The following PLCG2 variants were observed in gnomAD, a reference collection of about 807,000 sequenced individuals.
PLCG2 encodes the protein 1-phosphatidylinositol 4,5-bisphosphate phosphodiesterase gamma-2.
Under a neutral mutation model 175.6 loss-of-function variants are expected in PLCG2, and 69 were observed. The observed-to-expected ratio is 0.39, with a 90% CI of 0.32 to 0.48. The LOEUF (loss-of-function observed/expected upper bound fraction) is 0.48. Ranked by LOEUF, PLCG2 falls within the 20% of genes least tolerant of loss-of-function variation. The probability of loss-of-function intolerance (pLI) is 0.91; values close to 1 mark genes in which losing one functional copy is unlikely to be tolerated. For synonymous variants in PLCG2, 827 were observed against 624.0 expected, an observed-to-expected ratio of 1.33 and a Z score of -4.85; for missense variants, 1,798 against 1,650.9, an observed-to-expected ratio of 1.09 and a Z score of -1.54.
At chr16:81,753,300 G>T (rs1282509851) in intron 1 of PLCG2, among the ~76,000 whole-genome samples, 1 of 149,596 alleles carries the variant, frequency 6.7e-6, no homozygotes, top group Non-Finnish European at 1.5e-5. Flanking sequence ...TTGGTCATTG[G>T]TGGGTTATGC....
At chr16:81,825,897 G>A (rs1461195421) in intron 2 of PLCG2, among the ~76,000 whole-genome samples, 1 of 152,192 alleles carries the variant, frequency 6.6e-6, no homozygotes, top group African/African-American at 2.4e-5. Context: ...GTCACATAGG[G>A]TGTTAGGTGG....
chr16:81,759,412 CTTATG>C (rs910392732), intron 2 of PLCG2, among the ~76,000 whole-genome samples: 1 of 152,130 alleles, frequency 6.6e-6, no homozygotes, highest in African/African-American at 2.4e-5. Context: ...AATATATTTA[CTTATG>C]TTATTTATTC....
intron 2 of PLCG2, among the ~76,000 whole-genome samples, chr16:81,823,034 GCTTTAAGCCA>G (rs1430415325): frequency 6.6e-6 from 1 of 152,248 alleles, no homozygotes; most frequent in Non-Finnish European, 1.5e-5. Flanking sequence ...AATGTGTGTT[GCTTTAAGCCA>G]CTGAGTTTGC....
At chr16:81,742,207 G>C (rs1289166561) in intron 1 of PLCG2, among the ~76,000 whole-genome samples, 1 of 151,630 alleles carries the variant, frequency 6.6e-6, no homozygotes, top group Non-Finnish European at 1.5e-5. Context: ...GTACCTCTCA[G>C]TCAAAAGATG....
intron 13 of PLCG2, among the ~76,000 whole-genome samples, chr16:81,899,865 C>A (rs558840159): frequency 1.3e-5 from 2 of 152,210 alleles, no homozygotes; most frequent in African/African-American, 4.8e-5. Context: ...CATAAAACAA[C>A]GTCAGATATT....
intron 2 of PLCG2, among the ~76,000 whole-genome samples, chr16:81,832,337 A>G (rs1401475717): frequency 6.6e-6 from 1 of 152,254 alleles, no homozygotes; most frequent in Admixed American, 6.5e-5. Flanking sequence ...AAAGAGGTTA[A>G]GTGAATATTC....
intron 30 of PLCG2, among the ~76,000 whole-genome samples, chr16:81,945,609 C>G (rs528188044): frequency 7.2e-5 from 11 of 152,330 alleles, no homozygotes; most frequent in Admixed American, 3.9e-4. Context: ...AACTTGCCCC[C>G]CTCAGCCCCA....
chr16:81,953,123 G>T (rs138285572), intron 31 of PLCG2, among the ~76,000 whole-genome samples: 31 of 152,234 alleles, frequency 2.0e-4, no homozygotes, highest in African/African-American at 7.2e-4. Flanking sequence ...CAAAATAACT[G>T]ACTAGTATTC....
At chr16:81,933,192 T>G (rs577555009) in intron 25 of PLCG2, among the ~76,000 whole-genome samples, 4 of 152,328 alleles carry the variant, frequency 2.6e-5, no homozygotes, top group African/African-American at 7.2e-5. Context: ...TTACTGAGAT[T>G]TCATGAGAAT....
chr16:81,839,454 A>T (rs1905704411), intron 2 of PLCG2, among the ~76,000 whole-genome samples: 1 of 152,158 alleles, frequency 6.6e-6, no homozygotes, highest in Non-Finnish European at 1.5e-5. Context: ...AGCCTATTAA[A>T]ATATTAATAG....
chr16:81,814,737 C>T (rs991382174), intron 2 of PLCG2, among the ~76,000 whole-genome samples: 6 of 151,972 alleles, frequency 3.9e-5, no homozygotes, highest in African/African-American at 1.2e-4. Context: ...GAAGCACAGG[C>T]AGAATGGAGA....
At chr16:81,824,709 C>T (rs547049808) in intron 2 of PLCG2, among the ~76,000 whole-genome samples, 2 of 152,306 alleles carry the variant, frequency 1.3e-5, no homozygotes, top group East Asian at 3.9e-4. Flanking sequence ...GCCATGTGAC[C>T]TCTGGCCTTT....
rs145408536 is a variant in PLCG2, at chr16:81,897,585, G to T, written c.1193+1658G>T. Among the ~76,000 whole-genome samples the T allele has an allele frequency of 5.9e-3, 789 of 133,030 alleles. 7 individuals are homozygous for T. Among genetic ancestry groups the T allele is most frequent in the African/African-American group, 0.021 (743 of 35,586 alleles). The allele number at this position is 133,030 out of a possible 152,430, so 87.3% of individuals were successfully genotyped here. On this transcript the variant is annotated intron_variant, in intron 13 of 32. Coordinates refer to ENST00000564138, the MANE Select transcript of PLCG2 (RefSeq NM_002661.5). ...TTTTGAGATGGAGTCTCCCTCTGTC[G>T]CCCAGGCTAGAGTGCAATGGCAGGA...
Position 81,908,409 on chromosome 16 carries a change from G to T in PLCG2, c.1558-7G>T. ...TTTCAGAAACCCCTCCTCTCTTTGC[G>T]GCCCAGGATATACCCCCTACAGAAC... is the stretch of plus-strand genomic sequence containing the variant. On this transcript the variant is annotated splice_region_variant and splice_polypyrimidine_tract_variant and intron_variant, in intron 16 of 32. Coordinates refer to ENST00000564138, the MANE Select transcript of PLCG2 (RefSeq NM_002661.5). 1.2e-6 allele frequency: 2 copies of T among 1,612,300 alleles called. No individual in the cohort carries two copies. Among genetic ancestry groups the T allele is most frequent in the South Asian group, 2.2e-5 (2 of 90,840 alleles).
intron 12 of PLCG2, among the ~76,000 whole-genome samples, chr16:81,895,364 C>T (rs146466566): frequency 6.6e-6 from 1 of 152,014 alleles, no homozygotes. Flanking sequence ...ATTGAGACCA[C>T]CCTGGCCAAC....
At chr16:81,906,391 A>G (rs1342537432) in intron 15 of PLCG2, 2 of 152,174 alleles carry the variant, frequency 1.3e-5, no homozygotes, top group Non-Finnish European at 2.9e-5. Flanking sequence ...CTTATATCCT[A>G]GATATAACAT....
chr16:81,844,678 C>G (rs937210647), intron 2 of PLCG2, among the ~76,000 whole-genome samples: 5 of 152,166 alleles, frequency 3.3e-5, no homozygotes, highest in Admixed American at 6.5e-5. Flanking sequence ...TACAGCAGGT[C>G]TATGATCTGG....
intron 22 of PLCG2, among the ~76,000 whole-genome samples, chr16:81,926,097 A>G (rs1003285409): frequency 3.3e-5 from 5 of 152,224 alleles, no homozygotes; most frequent in South Asian, 2.1e-4. Context: ...AGTGGGGGGA[A>G]GTTGGGTACC....
chr16:81,918,408 C>T (rs902281216), intron 19 of PLCG2, among the ~76,000 whole-genome samples: 6 of 152,104 alleles, frequency 3.9e-5, no homozygotes, highest in African/African-American at 1.4e-4. Flanking sequence ...TAGTTTTCTT[C>T]TTTCGAAATT....
Sources: gnomAD v4.1 joint callset for allele counts (sites outside exome capture counted in the v4.1 genomes callset) on GRCh38, gnomAD v4.1.1 for gene constraint, MANE v1.5 for transcripts, NCBI Gene and HGNC (gene_info 2026-07-23, HGNC 2026-07-21) for gene names.